The following NWD1 variants were observed in gnomAD, a reference collection of about 807,000 sequenced individuals.
NWD1 encodes NACHT domain- and WD repeat-containing protein 1.
In NWD1, 129 loss-of-function variants were observed where a neutral mutation model predicts 135.1. The ratio of observed to expected loss-of-function variants is 0.96; its 90% CI spans 0.83 to 1.11. The LOEUF (loss-of-function observed/expected upper bound fraction) is 1.11, where lower values mean the gene tolerates loss of function less well. Ranked by LOEUF, NWD1 falls within the 50% of genes least tolerant of loss-of-function variation. NWD1 has a pLI of 0.00. For missense variants in NWD1, 1,740 were observed against 1,851.3 expected (o/e 0.94, Z 1.10); for synonymous variants, 773 against 786.0 (o/e 0.98, Z 0.28).
intron 17 of NWD1, among the ~76,000 whole-genome samples, chr19:16,807,349 T>C (rs1376027643): frequency 6.6e-6 from 1 of 151,648 alleles, no homozygotes; most frequent in Non-Finnish European, 1.5e-5. Context: ...CAAAATTAGC[T>C]GGGCGTGGTG....
intron 2 of NWD1, among the ~76,000 whole-genome samples, chr19:16,730,372 A>G (rs553052382): frequency 1.3e-5 from 2 of 152,052 alleles, no homozygotes; most frequent in East Asian, 1.9e-4. Context: ...CTATTTATGT[A>G]TTTATTTATT....
intron 7 of NWD1, 38 bp from the exon 8 acceptor site, chr19:16,761,941 G>C (rs1448390777): frequency 6.4e-7 from 1 of 1,567,486 alleles, no homozygotes; most frequent in Admixed American, 1.8e-5. Flanking sequence ...AGCTTGATGG[G>C]TCACCCAGGT....
chr19:16,750,890 T>C (rs1968550893), intron 6 of NWD1, among the ~76,000 whole-genome samples: 1 of 151,782 alleles, frequency 6.6e-6, no homozygotes, highest in Admixed American at 6.6e-5. Context: ...ACTGCCTACA[T>C]GGTTGCTTAG....
At chr19:16,745,060 G>A (rs1012576762) in intron 5 of NWD1, 7 of 498,152 alleles carry the variant, frequency 1.4e-5, no homozygotes, top group Non-Finnish European at 2.0e-5. Flanking sequence ...AGGTTTAATG[G>A]ACTCACAATT....
intron 6 of NWD1, 104 bp from the exon 7 acceptor site, chr19:16,759,121 G>A: frequency 1.1e-6 from 1 of 898,944 alleles, no homozygotes. Context: ...GTGATGTGCT[G>A]GACACCGCGC....
At position 16,815,041 on chromosome 19, in the gene NWD1, A is replaced by C. The variant is rs778608744; in HGVS notation, c.*2A>C. 9.3e-6 allele frequency: 15 copies of C among 1,614,042 alleles called. No individual in the cohort carries two copies. Among genetic ancestry groups the C allele is most frequent in the East Asian group, 2.2e-5 (1 of 44,886 alleles). On this transcript the variant is annotated 3_prime_UTR_variant, in exon 19 of 19. Transcript: ENST00000524140. ...TCACCCTTACAGGCACCCTGCTGAC[A>C]GTCCAGTTTGTCCATGCTGTGGTAA...
chr19:16,803,588 T>C (rs1046964543), intron 17 of NWD1, among the ~76,000 whole-genome samples: 5 of 152,024 alleles, frequency 3.3e-5, no homozygotes, highest in African/African-American at 4.8e-5. Context: ...AAATCTTCAG[T>C]CCATAACACG....
At chr19:16,734,993 G>C (rs1033152137) in intron 3 of NWD1, among the ~76,000 whole-genome samples, 1 of 151,850 alleles carries the variant, frequency 6.6e-6, no homozygotes, top group African/African-American at 2.4e-5. Context: ...TGAACTCCTG[G>C]GTTCAAGCAA....
chr19:16,800,190 T>G, intron 17 of NWD1, 28 bp downstream of exon 17: 1 of 1,573,408 alleles, frequency 6.4e-7, no homozygotes, highest in South Asian at 1.2e-5. Context: ...ATGGTCATTT[T>G]TGTGGGTAAG....
chr19:16,792,450 G>T (rs1970279617), intron 14 of NWD1, among the ~76,000 whole-genome samples: 1 of 152,112 alleles, frequency 6.6e-6, no homozygotes, highest in Admixed American at 6.6e-5. Context: ...GCCGGGGCAG[G>T]TGGATCACCT....
At chr19:16,813,489 G>A (rs1329477005) in intron 18 of NWD1, among the ~76,000 whole-genome samples, 2 of 151,822 alleles carry the variant, frequency 1.3e-5, no homozygotes, top group Admixed American at 6.6e-5. Flanking sequence ...TTTGTTTTTT[G>A]TTTTTGAGAT....
intron 17 of NWD1, among the ~76,000 whole-genome samples, chr19:16,805,034 T>A (rs1970710491): frequency 6.6e-6 from 1 of 151,294 alleles, no homozygotes; most frequent in South Asian, 2.1e-4. Flanking sequence ...TTTATTTATT[T>A]TTATTTTTAT....
chr19:16,743,901 T>G (rs1262188680), intron 4 of NWD1, among the ~76,000 whole-genome samples: 1 of 151,994 alleles, frequency 6.6e-6, no homozygotes, highest in Non-Finnish European at 1.5e-5. Context: ...CAGGCCAGTC[T>G]TGAACTCCTG....
chr19:16,806,419 C>A (rs1213075341), intron 17 of NWD1, among the ~76,000 whole-genome samples: 1 of 152,158 alleles, frequency 6.6e-6, no homozygotes, highest in Non-Finnish European at 1.5e-5. Context: ...AAAAGTCTGG[C>A]CCCCTTGCTT....
At chr19:16,762,499 G>A (rs371202996) in intron 8 of NWD1, among the ~76,000 whole-genome samples, 10 of 151,998 alleles carry the variant, frequency 6.6e-5, no homozygotes, top group East Asian at 3.9e-4. Flanking sequence ...GTTTCACCAC[G>A]TTGGCCATAC....
At chr19:16,813,710 T>C (rs1358551279) in intron 18 of NWD1, among the ~76,000 whole-genome samples, 13 of 151,978 alleles carry the variant, frequency 8.6e-5, no homozygotes. Flanking sequence ...CTCCTGACCT[T>C]GGGTGATCCA....
intron 17 of NWD1, among the ~76,000 whole-genome samples, chr19:16,803,679 G>A (rs1372991044): frequency 6.6e-6 from 1 of 151,856 alleles, no homozygotes; most frequent in Non-Finnish European, 1.5e-5. Context: ...AACTTTGGGA[G>A]GCTGAGGTGG....
chr19:16,743,675 A>T (rs773919), intron 4 of NWD1, among the ~76,000 whole-genome samples: 87,237 of 151,662 alleles, frequency 0.58, 26,859 homozygotes, highest in African/African-American at 0.81. Flanking sequence ...TTTATTTATT[A>T]GTTTGTTTAT....
Position 16,731,031 on chromosome 19 carries a change from G to T in NWD1, c.-6-161G>T, listed in dbSNP as rs1251265774. On this transcript the variant is annotated intron_variant, in intron 2 of 18. Coordinates refer to ENST00000524140, the MANE Select transcript of NWD1 (RefSeq NM_001007525.5). Reference sequence around the variant, plus strand: ...GGCAGAGGAGAGAGAATCTCTTGAGGCCAGGAACTCGAGACCAGCCTGGGC... The same window carrying T: ...GGCAGAGGAGAGAGAATCTCTTGAGTCCAGGAACTCGAGACCAGCCTGGGC... 7.3e-5 allele frequency: 36 copies of T among 490,500 alleles called. No individual in the cohort carries two copies. The South Asian group carries it at 1.1e-3, about 15-fold the overall frequency. The allele number at this position is 490,500 out of a possible 1,614,324, so 30.4% of individuals were successfully genotyped here.
Sources: gnomAD v4.1 joint callset for allele counts (sites outside exome capture counted in the v4.1 genomes callset) on GRCh38, gnomAD v4.1.1 for gene constraint, MANE v1.5 for transcripts, NCBI Gene and HGNC (gene_info 2026-07-23, HGNC 2026-07-21) for gene names.